Variants in TNNI3K observed in about 807,000 individuals in gnomAD.
TNNI3K encodes TNNI3 interacting kinase.
Under a neutral mutation model 114.5 loss-of-function variants are expected in TNNI3K, and 140 were observed. The observed-to-expected ratio is 1.22, with a 90% CI of 1.07 to 1.41. The LOEUF is 1.41. Among genes scored for constraint, TNNI3K ranks in the 40% most tolerant of loss-of-function variants. TNNI3K has a pLI of 0.00. For synonymous variants in TNNI3K, 347 were observed against 347.5 expected, an observed-to-expected ratio of 1.00 and a Z score of 0.02; for missense variants, 1,125 against 1,007.6, an observed-to-expected ratio of 1.12 and a Z score of -1.58.
chr1:74,368,885 T>C (rs554912472), intron 13 of TNNI3K, 137 bp from the exon 14 acceptor site: 1 of 735,840 alleles, frequency 1.4e-6, no homozygotes. Context: ...CTTTAAGTAG[T>C]CAATTACAGT....
At chr1:74,381,570 G>A (rs1663204087) in intron 17 of TNNI3K, among the ~76,000 whole-genome samples, 1 of 151,954 alleles carries the variant, frequency 6.6e-6, no homozygotes, top group African/African-American at 2.4e-5. Flanking sequence ...TAAAGATCTG[G>A]GAAATAATTG....
At chr1:74,297,366 G>A (rs765040112) in intron 5 of TNNI3K, among the ~76,000 whole-genome samples, 11 of 152,082 alleles carry the variant, frequency 7.2e-5, no homozygotes, top group Admixed American at 4.6e-4. Context: ...GGACTTTTGG[G>A]AGACCGTAAG....
intron 8 of TNNI3K, 42 bp from the exon 9 acceptor site, chr1:74,343,033 T>A: frequency 6.2e-7 from 1 of 1,613,424 alleles, no homozygotes; most frequent in Non-Finnish European, 8.5e-7. Flanking sequence ...ATACTGCATG[T>A]ACTTGCTTAC....
intron 23 of TNNI3K, among the ~76,000 whole-genome samples, chr1:74,530,418 G>T (rs1024646088): frequency 6.6e-6 from 1 of 152,156 alleles, no homozygotes; most frequent in Non-Finnish European, 1.5e-5. Flanking sequence ...TATAAAATGA[G>T]TTGTTAGGTG....
Position 74,353,375 on chromosome 1 carries a change from A to T in TNNI3K, c.1027+15A>T. 1 of 1,612,118 alleles carries T rather than the reference A, an allele frequency of 6.2e-7. No individual in the cohort carries two copies. Among genetic ancestry groups the T allele is most frequent in the Non-Finnish European group, 8.5e-7 (1 of 1,178,762 alleles). Reference sequence around the variant, plus strand: ...TGGGCACACTGGTAAGACTGTGGTGAAAACACCACTAGTTCTATATGCTTA... The same window carrying T: ...TGGGCACACTGGTAAGACTGTGGTGTAAACACCACTAGTTCTATATGCTTA... On this transcript the variant is annotated intron_variant, in intron 10 of 24. Coordinates refer to ENST00000326637, the MANE Select transcript of TNNI3K (RefSeq NM_015978.3).
At chr1:74,470,736 T>G (rs1486708015) in intron 21 of TNNI3K, 67 of 400,634 alleles carry the variant, frequency 1.7e-4, no homozygotes, top group Non-Finnish European at 4.4e-6. Flanking sequence ...TTTCAAGCTG[T>G]GCATGACTTG....
intron 5 of TNNI3K, among the ~76,000 whole-genome samples, chr1:74,279,711 T>C (rs1250958092): frequency 6.6e-6 from 1 of 152,218 alleles, no homozygotes; most frequent in African/African-American, 2.4e-5. Context: ...CATTCAGGGC[T>C]CATTCTAGAG....
chr1:74,313,683 A>G (rs1363885094), intron 5 of TNNI3K, among the ~76,000 whole-genome samples: 5 of 152,138 alleles, frequency 3.3e-5, no homozygotes, highest in Non-Finnish European at 7.4e-5. Context: ...CCTTGCTTTC[A>G]GACATAGTGC....
At chr1:74,512,970 C>T (rs139575201) in intron 23 of TNNI3K, among the ~76,000 whole-genome samples, 158 of 152,280 alleles carry the variant, frequency 1.0e-3, no homozygotes, top group East Asian at 7.3e-3. Context: ...AAACTATAGA[C>T]GACTTTTGCC....
intron 5 of TNNI3K, among the ~76,000 whole-genome samples, chr1:74,315,878 G>A (rs894755876): frequency 6.6e-6 from 1 of 151,922 alleles, no homozygotes. Flanking sequence ...AATAGACTAG[G>A]GAAACAGCAA....
intron 4 of TNNI3K, among the ~76,000 whole-genome samples, chr1:74,254,882 A>C (rs12138178): frequency 6.6e-6 from 1 of 152,082 alleles, no homozygotes; most frequent in African/African-American, 2.4e-5. Context: ...TACAATGCTC[A>C]TATACATGGG....
chr1:74,389,109 A>T (rs1385913385), intron 17 of TNNI3K, among the ~76,000 whole-genome samples: 1 of 152,244 alleles, frequency 6.6e-6, no homozygotes, highest in Admixed American at 6.5e-5. Flanking sequence ...AGTGTTATGG[A>T]GAGTGGCTTA....
chr1:74,326,401 T>A (rs1553131803), intron 5 of TNNI3K, among the ~76,000 whole-genome samples: 2 of 152,142 alleles, frequency 1.3e-5, no homozygotes, highest in Non-Finnish European at 2.9e-5. Flanking sequence ...TAAGTTAAAG[T>A]TATACTGTAG....
intron 23 of TNNI3K, among the ~76,000 whole-genome samples, chr1:74,494,209 A>G (rs1168745019): frequency 6.6e-6 from 1 of 152,194 alleles, no homozygotes; most frequent in Non-Finnish European, 1.5e-5. Flanking sequence ...ACACACTCAT[A>G]CACTCCATTA....
chr1:74,235,606 A>G, intron 1 of TNNI3K, 115 bp downstream of exon 1: 1 of 583,592 alleles, frequency 1.7e-6, no homozygotes, highest in Admixed American at 3.2e-5. Context: ...ATAAGGCAGC[A>G]TGTTTTGTGA....
At chr1:74,419,498 C>T (rs748090364) in intron 17 of TNNI3K, among the ~76,000 whole-genome samples, 3 of 152,024 alleles carry the variant, frequency 2.0e-5, no homozygotes, top group Admixed American at 6.6e-5. Context: ...GAAAGATCAG[C>T]CAATCACCGA....
At chr1:74,428,963 T>C (rs1173327471) in intron 17 of TNNI3K, among the ~76,000 whole-genome samples, 5 of 152,000 alleles carry the variant, frequency 3.3e-5, no homozygotes, top group African/African-American at 1.2e-4. Context: ...GAATGTCGGG[T>C]GAGGCTTTAT....
intron 5 of TNNI3K, among the ~76,000 whole-genome samples, chr1:74,296,618 G>T (rs1342088291): frequency 6.6e-6 from 1 of 151,804 alleles, no homozygotes. Flanking sequence ...ACATATACTG[G>T]GGGTGTATTT....
chr1:74,260,570 A>AT (rs1655602571), intron 4 of TNNI3K, among the ~76,000 whole-genome samples: 3 of 152,182 alleles, frequency 2.0e-5, no homozygotes, highest in Admixed American at 2.0e-4. Flanking sequence ...AACAAATCAT[A>AT]TGCAGTACTT....
Sources: gnomAD v4.1 joint callset for allele counts (sites outside exome capture counted in the v4.1 genomes callset) on GRCh38, gnomAD v4.1.1 for gene constraint, MANE v1.5 for transcripts, NCBI Gene and HGNC (gene_info 2026-07-23, HGNC 2026-07-21) for gene names.